Variants in DIAPH3 observed in about 807,000 individuals in gnomAD.
The protein encoded by DIAPH3 is protein diaphanous homolog 3.
A neutral mutation model predicts 144.3 loss-of-function variants in DIAPH3; 117 were observed. That is an observed-to-expected ratio of 0.81 (90% CI 0.70 to 0.95). The LOEUF (loss-of-function observed/expected upper bound fraction) is 0.95, where lower values mean the gene tolerates loss of function less well. Among genes scored for constraint, DIAPH3 ranks in the 40% least tolerant of loss-of-function variants. The probability of loss-of-function intolerance (pLI) is 0.00; values close to 1 mark genes in which losing one functional copy is unlikely to be tolerated. For synonymous variants in DIAPH3, 519 were observed against 488.9 expected, an observed-to-expected ratio of 1.06 and a Z score of -0.81; for missense variants, 1,421 against 1,412.7, an observed-to-expected ratio of 1.01 and a Z score of -0.09.
chr13:59,700,476 C>A (rs566227666), intron 27 of DIAPH3, among the ~76,000 whole-genome samples: 1 of 152,276 alleles, frequency 6.6e-6, no homozygotes, highest in Admixed American at 6.5e-5. Context: ...AGAGAGCTCA[C>A]CAAATATTCT....
At chr13:59,965,657 CTTG>C (rs2050006799) in intron 17 of DIAPH3, among the ~76,000 whole-genome samples, 2 of 151,800 alleles carry the variant, frequency 1.3e-5, no homozygotes, top group Middle Eastern at 3.4e-3. Context: ...TTTTTATAAC[CTTG>C]TTAAGTCTTA....
At chr13:59,673,547 G>C (rs928250958) in intron 27 of DIAPH3, among the ~76,000 whole-genome samples, 1 of 152,132 alleles carries the variant, frequency 6.6e-6, no homozygotes, top group Non-Finnish European at 1.5e-5. Context: ...TGCTAATGAG[G>C]TAACTCATGG....
chr13:60,065,632 T>G (rs2056932639), intron 4 of DIAPH3, among the ~76,000 whole-genome samples: 1 of 152,212 alleles, frequency 6.6e-6, no homozygotes, highest in Non-Finnish European at 1.5e-5. Flanking sequence ...GTTCATGACT[T>G]GGAGACATGA....
chr13:59,949,320 T>A (rs1233557538), intron 17 of DIAPH3, among the ~76,000 whole-genome samples: 4 of 152,160 alleles, frequency 2.6e-5, no homozygotes, highest in African/African-American at 9.7e-5. Context: ...TGGCCTCCCA[T>A]GAATTTTGTT....
chr13:59,798,871 T>C (rs147258422), intron 25 of DIAPH3, among the ~76,000 whole-genome samples: 1 of 152,094 alleles, frequency 6.6e-6, no homozygotes, highest in African/African-American at 2.4e-5. Flanking sequence ...GAGAGTTGAG[T>C]CCAAGAGTGG....
In DIAPH3 at chr13:59,839,329, T is replaced by A. The variant is rs776107505; in HGVS notation, c.2857A>T (p.Met953Leu). The A allele has an allele frequency of 3.7e-6, 6 of 1,613,480 alleles. No homozygotes were observed. Among genetic ancestry groups the A allele is most frequent in the Middle Eastern group, 1.7e-4 (1 of 6,050 alleles). The change falls in exon 23 of 28, where the codon ATG (methionine) becomes TTG (leucine). Residue 953 changes from methionine to leucine, a missense_variant. Met to Leu is a conservative substitution (Grantham distance 15, BLOSUM62 2). Transcript: ENST00000400324. ...TTTAGCTATCAAAAGGATATGGACA[T>A]CTTTGTCACAAACTTGTCATGCAAG... ...EDLHDKFVTKMSRFVISAKEQ... is the reference protein window; with the variant it reads ...EDLHDKFVTKLSRFVISAKEQ...
At position 60,008,455 on chromosome 13, in the gene DIAPH3, T is replaced by A. The variant is rs1034231674; in HGVS notation, c.1014+89A>T. The A allele has an allele frequency of 1.2e-5, 10 of 805,456 alleles. No individual in the cohort carries two copies. The South Asian group carries it at 1.5e-4, about 12-fold the overall frequency. The allele number at this position is 805,456 out of a possible 1,614,324, so 49.9% of individuals were successfully genotyped here. On this transcript the variant is annotated intron_variant, in intron 9 of 27. Coordinates refer to ENST00000400324, the MANE Select transcript of DIAPH3 (RefSeq NM_001042517.2). ...ATATTAAAAGGCATGCAGAGCTTCA[T>A]AACAATGTTTTCATATAAACCAATC...
intron 14 of DIAPH3, among the ~76,000 whole-genome samples, chr13:59,975,739 T>G (rs142945374): frequency 1.6e-4 from 25 of 152,190 alleles, no homozygotes; most frequent in African/African-American, 4.6e-4. Context: ...AAGGTAAATT[T>G]CAGACTACTG....
At chr13:59,688,613 T>G (rs572087955) in intron 27 of DIAPH3, among the ~76,000 whole-genome samples, 47 of 152,054 alleles carry the variant, frequency 3.1e-4, no homozygotes, top group South Asian at 1.0e-3. Flanking sequence ...TTAGTGTCAC[T>G]CAAGTGTCAA....
At chr13:60,023,541 A>C (rs750398679) in intron 5 of DIAPH3, among the ~76,000 whole-genome samples, 6 of 151,390 alleles carry the variant, frequency 4.0e-5, no homozygotes, top group Non-Finnish European at 7.4e-5. Flanking sequence ...TCAAGCAATT[A>C]TCCTGCCTTA....
chr13:60,075,963 A>T (rs984017705), intron 4 of DIAPH3, among the ~76,000 whole-genome samples: 2 of 152,242 alleles, frequency 1.3e-5, no homozygotes, highest in African/African-American at 2.4e-5. Context: ...ACCCTGCATA[A>T]ACTGTCCCTA....
rs570690952 is a variant in DIAPH3 at position 59,998,148 on chromosome 13, C to A, written c.1015-5565G>T. Among the ~76,000 whole-genome samples the A allele has an allele frequency of 1.4e-4, 22 of 152,120 alleles. No individual in the cohort carries two copies. The South Asian group carries it at 4.4e-3, about 30-fold the overall frequency. On this transcript the variant is annotated intron_variant, in intron 9 of 27. Transcript: ENST00000400324. Reference sequence around the variant, plus strand: ...AAGATTTTAAAATTTTATACACATGCATTGAAGTAACTGCATATACCCCAC... The same window carrying A: ...AAGATTTTAAAATTTTATACACATGAATTGAAGTAACTGCATATACCCCAC...
At chr13:59,705,444 C>T (rs778530599) in intron 27 of DIAPH3, among the ~76,000 whole-genome samples, 1 of 152,078 alleles carries the variant, frequency 6.6e-6, no homozygotes, top group Non-Finnish European at 1.5e-5. Flanking sequence ...AATTTTTCCC[C>T]CTGAAAGTAG....
chr13:60,004,483 G>A (rs1304421598), intron 9 of DIAPH3, among the ~76,000 whole-genome samples: 1 of 152,116 alleles, frequency 6.6e-6, no homozygotes, highest in Non-Finnish European at 1.5e-5. Context: ...CTTTTACTCT[G>A]AAGCCTGCTA....
chr13:59,889,964 C>T (rs1055060942), intron 20 of DIAPH3, among the ~76,000 whole-genome samples: 19 of 152,154 alleles, frequency 1.2e-4, no homozygotes, highest in African/African-American at 4.3e-4. Context: ...TGTGGCCCTA[C>T]TTCCTAAAGC....
intron 3 of DIAPH3, among the ~76,000 whole-genome samples, chr13:60,097,175 A>G (rs1449673770): frequency 6.6e-6 from 1 of 152,136 alleles, no homozygotes; most frequent in Non-Finnish European, 1.5e-5. Flanking sequence ...AGTATAAAAA[A>G]CCAAAAGGAA....
chr13:59,719,512 G>A (rs2035232656), intron 27 of DIAPH3, among the ~76,000 whole-genome samples: 1 of 152,024 alleles, frequency 6.6e-6, no homozygotes, highest in African/African-American at 2.4e-5. Context: ...CCTTGGTGGT[G>A]ACATTCCATT....
intron 4 of DIAPH3, among the ~76,000 whole-genome samples, chr13:60,072,013 C>A (rs2057226100): frequency 6.6e-6 from 1 of 152,136 alleles, no homozygotes; most frequent in African/African-American, 2.4e-5. Context: ...AACATCTGAG[C>A]AGTGTGGGGC....
chr13:59,777,980 T>C (rs770179273), intron 25 of DIAPH3, among the ~76,000 whole-genome samples: 5 of 152,206 alleles, frequency 3.3e-5, no homozygotes, highest in African/African-American at 9.6e-5. Context: ...GATAATTACA[T>C]TGTACCAATG....
Sources: allele counts gnomAD v4.1 joint callset (sites outside exome capture counted in the v4.1 genomes callset), GRCh38; gene constraint gnomAD v4.1.1; transcripts MANE v1.5; gene names NCBI Gene and HGNC (gene_info 2026-07-23, HGNC 2026-07-21).